The following PCCA variants were observed in gnomAD, a reference collection of about 807,000 sequenced individuals.
PCCA encodes propionyl-CoA carboxylase subunit alpha.
Under a neutral mutation model 101.3 loss-of-function variants are expected in PCCA, and 74 were observed. That is an observed-to-expected ratio of 0.73 (90% CI 0.61 to 0.89). PCCA has a LOEUF of 0.89. PCCA is among the 40% of genes least tolerant of loss of function. PCCA has a pLI of 0.00. For missense variants in PCCA, 891 were observed against 907.0 expected (o/e 0.98, Z 0.23); for synonymous variants, 294 against 313.6 (o/e 0.94, Z 0.66).
chr13:100,419,801 T>G (rs2078628029), intron 19 of PCCA, among the ~76,000 whole-genome samples: 1 of 152,190 alleles, frequency 6.6e-6, no homozygotes, highest in Non-Finnish European at 1.5e-5. Flanking sequence ...AATAAGGACT[T>G]GGGCCTATGG....
Position 100,252,197 on chromosome 13 carries a change from A to G in PCCA, c.638-5398A>G, listed in dbSNP as rs145421411. Among the ~76,000 whole-genome samples the G allele has an allele frequency of 1.8e-3, 277 of 152,176 alleles. 2 individuals carry two copies. Among genetic ancestry groups the G allele is most frequent in the African/African-American group, 6.4e-3 (265 of 41,510 alleles). On this transcript the variant is annotated intron_variant, in intron 8 of 23. Coordinates refer to ENST00000376285, the MANE Select transcript of PCCA (RefSeq NM_000282.4). ...TATTACCCATATCAGGGCCTATTCT[A>G]TCCATCTAGAGGACTGTTCAACTTC...
At chr13:100,483,255 A>G (rs540836480) in intron 21 of PCCA, among the ~76,000 whole-genome samples, 36 of 139,264 alleles carry the variant, frequency 2.6e-4, no homozygotes, top group African/African-American at 8.4e-4. Flanking sequence ...CCTTTCAGGG[A>G]AAAAAAAAAA....
chr13:100,296,417 T>TC, intron 12 of PCCA, among the ~76,000 whole-genome samples: 1 of 129,742 alleles, frequency 7.7e-6, no homozygotes, highest in South Asian at 2.3e-4. Context: ...TTTTTTTGTA[T>TC]TTTTTTTTTT....
At position 100,353,477 on chromosome 13, in the gene PCCA, T is replaced by C. The variant is rs147398821; in HGVS notation, c.1643+13218T>C. On this transcript the variant is annotated intron_variant, in intron 18 of 23. Coordinates refer to ENST00000376285, the MANE Select transcript of PCCA (RefSeq NM_000282.4). ...GAAATTAGAAAGCAACAAGGAAAAT[T>C]TGGGAAGTTCATACATATGTGGAAT... is the stretch of plus-strand genomic sequence containing the variant. Among the ~76,000 whole-genome samples, 6 of 152,280 alleles carry C rather than the reference T, an allele frequency of 3.9e-5. No homozygotes were observed. The East Asian group carries it at 1.2e-3, about 29-fold the overall frequency.
intron 1 of PCCA, among the ~76,000 whole-genome samples, chr13:100,100,113 C>G (rs555246650): frequency 1.3e-5 from 2 of 152,180 alleles, no homozygotes; most frequent in South Asian, 4.1e-4. Context: ...TAATAACTCC[C>G]TAGGAAATCA....
chr13:100,282,139 G>A (rs1319509502), intron 12 of PCCA, among the ~76,000 whole-genome samples: 1 of 152,154 alleles, frequency 6.6e-6, no homozygotes, highest in Non-Finnish European at 1.5e-5. Context: ...TCTTATTGAT[G>A]TGTAGGTATT....
At chr13:100,485,300 C>T (rs1292371646) in intron 21 of PCCA, among the ~76,000 whole-genome samples, 1 of 152,186 alleles carries the variant, frequency 6.6e-6, no homozygotes, top group Non-Finnish European at 1.5e-5. Context: ...CCATATTTTG[C>T]CTCTTTGAGT....
At chr13:100,390,345 C>A (rs1160495315) in intron 19 of PCCA, among the ~76,000 whole-genome samples, 1 of 152,096 alleles carries the variant, frequency 6.6e-6, no homozygotes, top group African/African-American at 2.4e-5. Flanking sequence ...CAATTTTAGA[C>A]ATAATTTTGA....
chr13:100,116,487 T>C (rs189331576), intron 4 of PCCA, among the ~76,000 whole-genome samples: 1 of 152,216 alleles, frequency 6.6e-6, no homozygotes, highest in Non-Finnish European at 1.5e-5. Context: ...TGTTGGCTTT[T>C]AGAGATGATT....
At chr13:100,144,642 G>A (rs1331949014) in intron 4 of PCCA, among the ~76,000 whole-genome samples, 1 of 152,098 alleles carries the variant, frequency 6.6e-6, no homozygotes, top group Non-Finnish European at 1.5e-5. Context: ...TATTTCCTAT[G>A]TTAAGAAATG....
At chr13:100,302,014 A>G (rs1379032476) in intron 13 of PCCA, among the ~76,000 whole-genome samples, 1 of 152,196 alleles carries the variant, frequency 6.6e-6, no homozygotes, top group South Asian at 2.1e-4. Context: ...TGTTGATCAG[A>G]TATTTACTTA....
At chr13:100,183,998 T>C (rs965955085) in intron 6 of PCCA, among the ~76,000 whole-genome samples, 3 of 152,268 alleles carry the variant, frequency 2.0e-5, no homozygotes, top group South Asian at 2.1e-4. Flanking sequence ...AAGAAATGCC[T>C]GAGACTGGGT....
At chr13:100,163,271 G>A (rs537590766) in intron 6 of PCCA, among the ~76,000 whole-genome samples, 1 of 152,036 alleles carries the variant, frequency 6.6e-6, no homozygotes, top group Non-Finnish European at 1.5e-5. Flanking sequence ...TTCCTATTAC[G>A]CTCTCTCCTT....
At position 100,111,831 on chromosome 13, in the gene PCCA, C is replaced by T. The variant is rs2048349934; in HGVS notation, c.184-10C>T. The T allele has an allele frequency of 1.3e-6, 2 of 1,595,966 alleles. No individual in the cohort carries two copies. The highest frequency in any genetic ancestry group is 1.7e-5 in the Admixed American group (1 of 59,728). On this transcript the variant is annotated splice_polypyrimidine_tract_variant and intron_variant, in intron 2 of 23. Coordinates refer to ENST00000376285, the MANE Select transcript of PCCA (RefSeq NM_000282.4). ...ACAATTTCTAATGAATGTGTTTTTT[C>T]TCTCTTCAGACTTTTGATAAAATTC...
At chr13:100,293,514 C>G (rs1461034135) in intron 12 of PCCA, among the ~76,000 whole-genome samples, 1 of 152,020 alleles carries the variant, frequency 6.6e-6, no homozygotes, top group Non-Finnish European at 1.5e-5. Context: ...CTAGACCTGC[C>G]AGATGAAAAT....
chr13:100,488,624 TTTTG>T (rs1566439418), intron 21 of PCCA, among the ~76,000 whole-genome samples: 1 of 105,798 alleles, frequency 9.5e-6, no homozygotes, highest in Admixed American at 9.6e-5. Flanking sequence ...AGTTTTGTTT[TTTTG>T]TTTTGTTTTT....
chr13:100,421,766 C>A (rs1236917035), intron 19 of PCCA, among the ~76,000 whole-genome samples: 1 of 152,072 alleles, frequency 6.6e-6, no homozygotes, highest in Non-Finnish European at 1.5e-5. Context: ...CTCACTGCAA[C>A]CTCTGCCTCC....
chr13:100,368,390 C>T, intron 18 of PCCA, 82 bp from the exon 19 acceptor site: 1 of 793,574 alleles, frequency 1.3e-6, no homozygotes. Flanking sequence ...TTAGCCTGTG[C>T]ATTTTATATC....
At chr13:100,141,743 AG>A (rs2051901300) in intron 4 of PCCA, among the ~76,000 whole-genome samples, 1 of 152,160 alleles carries the variant, frequency 6.6e-6, no homozygotes, top group African/African-American at 2.4e-5. Flanking sequence ...TTGGTGTATA[AG>A]TCTTTCATAC....
Sources: gnomAD v4.1 joint callset for allele counts (sites outside exome capture counted in the v4.1 genomes callset) on GRCh38, gnomAD v4.1.1 for gene constraint, MANE v1.5 for transcripts, NCBI Gene and HGNC (gene_info 2026-07-23, HGNC 2026-07-21) for gene names.